The following SPHKAP variants were observed in gnomAD, a reference collection of about 807,000 sequenced individuals.
SPHKAP encodes the protein SPHK1 interactor, AKAP domain containing.
Under a neutral mutation model 137.5 loss-of-function variants are expected in SPHKAP, and 67 were observed. The observed-to-expected ratio is 0.49, with a 90% CI of 0.40 to 0.60. SPHKAP has a LOEUF of 0.60. SPHKAP is among the 20% of genes least tolerant of loss of function. SPHKAP has a pLI of 0.00. For synonymous variants in SPHKAP, 813 were observed against 785.3 expected, an observed-to-expected ratio of 1.04 and a Z score of -0.59; for missense variants, 2,097 against 2,069.3, an observed-to-expected ratio of 1.01 and a Z score of -0.26.
rs370027714 is a variant in SPHKAP, at chr2:228,164,756, G to A, written c.32+16811C>T. Among the ~76,000 whole-genome samples, 87 of 152,162 alleles carry A rather than the reference G, an allele frequency of 5.7e-4. 1 individual carries two copies. In the Middle Eastern group the frequency reaches 0.017, roughly 30 times the overall value. ...GGCACACACCTAGAGCTCTTTAAACGCTCAATTGCTCTCCTGCCTCTGGAC... is the reference window on the plus strand; with the variant it reads ...GGCACACACCTAGAGCTCTTTAAACACTCAATTGCTCTCCTGCCTCTGGAC... On this transcript the variant is annotated intron_variant, in intron 1 of 11. Coordinates refer to ENST00000392056, the MANE Select transcript of SPHKAP (RefSeq NM_001142644.2).
At chr2:227,984,058 T>A (rs1170515029) in intron 11 of SPHKAP, among the ~76,000 whole-genome samples, 1 of 152,058 alleles carries the variant, frequency 6.6e-6, no homozygotes, top group Non-Finnish European at 1.5e-5. Flanking sequence ...CCTGGCACTT[T>A]GGGAGGCTGA....
At chr2:228,160,928 G>A (rs10210772) in intron 1 of SPHKAP, among the ~76,000 whole-genome samples, 2,572 of 152,164 alleles carry the variant, frequency 0.017, 32 homozygotes, top group Non-Finnish European at 0.022. Context: ...TTTGTCTAAC[G>A]AACATTTGTC....
In SPHKAP at chr2:228,081,139, A is replaced by T. The variant is rs551519395; in HGVS notation, c.246+27693T>A. On this transcript the variant is annotated intron_variant, in intron 3 of 11. Transcript: ENST00000392056. Reference sequence around the variant, plus strand: ...AGCCAACAGCTGCAGAGAAAAGGTTATATATCTCCACAGGTAGCTACTCTA... The same window carrying T: ...AGCCAACAGCTGCAGAGAAAAGGTTTTATATCTCCACAGGTAGCTACTCTA... 1.4e-4 allele frequency among the ~76,000 whole-genome samples: 22 copies of T among 152,366 alleles called. No homozygotes were observed. The South Asian group carries it at 4.6e-3, about 32-fold the overall frequency.
At chr2:228,000,021 T>C (rs1223817157) in intron 7 of SPHKAP, among the ~76,000 whole-genome samples, 2 of 152,234 alleles carry the variant, frequency 1.3e-5, no homozygotes, top group African/African-American at 4.8e-5. Flanking sequence ...ATGACTAATA[T>C]CATACAGTAT....
At chr2:228,047,032 A>T (rs542593338) in intron 3 of SPHKAP, among the ~76,000 whole-genome samples, 2 of 152,350 alleles carry the variant, frequency 1.3e-5, no homozygotes, top group South Asian at 4.1e-4. Context: ...AAATTTCAGT[A>T]TCAGTACCTG....
chr2:228,169,194 A>G (rs1400501806), intron 1 of SPHKAP, among the ~76,000 whole-genome samples: 2 of 152,236 alleles, frequency 1.3e-5, no homozygotes, highest in Admixed American at 1.3e-4. Context: ...AAAACTATCC[A>G]GAATATTTAG....
At position 228,032,193 on chromosome 2, in the gene SPHKAP, T is replaced by C. The variant is rs558225927; in HGVS notation, c.247-4650A>G. Among the ~76,000 whole-genome samples, 13 of 152,264 alleles carry C rather than the reference T, an allele frequency of 8.5e-5. No individual in the cohort carries two copies. The South Asian group carries it at 2.3e-3, about 27-fold the overall frequency. On this transcript the variant is annotated intron_variant, in intron 3 of 11. Coordinates refer to ENST00000392056, the MANE Select transcript of SPHKAP (RefSeq NM_001142644.2). Reference sequence around the variant, plus strand: ...AACGCAGAGAAGTCCTTAAAGGAGCTGATGGAGCTGAAAGCCAAGGCTCGA... The same window carrying C: ...AACGCAGAGAAGTCCTTAAAGGAGCCGATGGAGCTGAAAGCCAAGGCTCGA...
chr2:228,070,969 A>G (rs1175500502), intron 3 of SPHKAP, among the ~76,000 whole-genome samples: 2 of 152,206 alleles, frequency 1.3e-5, no homozygotes, highest in Admixed American at 6.5e-5. Flanking sequence ...ATTGTTCAGT[A>G]TCAAAAGAGT....
At chr2:228,158,266 A>T (rs1405339131) in intron 1 of SPHKAP, among the ~76,000 whole-genome samples, 1 of 151,544 alleles carries the variant, frequency 6.6e-6, no homozygotes, top group Non-Finnish European at 1.5e-5. Context: ...AAGACCAGAG[A>T]GGCTGTGTGG....
Position 228,176,582 on chromosome 2 carries a change from T to C in SPHKAP, c.32+4985A>G, listed in dbSNP as rs573924871. ...CAGGACTAAGCACCAGGTCTCCAAA[T>C]ATCAAATACAGGGCTGGGCACGTGG... is the stretch of plus-strand genomic sequence containing the variant. On this transcript the variant is annotated intron_variant, in intron 1 of 11. Transcript: ENST00000392056. Among the ~76,000 whole-genome samples the C allele has an allele frequency of 5.9e-5, 9 of 152,254 alleles. 1 individual carries two copies. Among genetic ancestry groups the C allele is most frequent in the African/African-American group, 1.4e-4 (6 of 41,558 alleles).
intron 7 of SPHKAP, among the ~76,000 whole-genome samples, chr2:228,001,348 C>A (rs868346225): frequency 2.2e-5 from 3 of 138,980 alleles, no homozygotes; most frequent in African/African-American, 8.0e-5. Flanking sequence ...AATATATATA[C>A]ACATATATAA....
intron 3 of SPHKAP, among the ~76,000 whole-genome samples, chr2:228,097,710 C>T (rs1698030225): frequency 6.6e-6 from 1 of 151,292 alleles, no homozygotes; most frequent in African/African-American, 2.4e-5. Flanking sequence ...ACCTTTATGT[C>T]CATGTGTACC....
intron 3 of SPHKAP, among the ~76,000 whole-genome samples, chr2:228,080,586 A>G (rs1008477361): frequency 6.6e-6 from 1 of 152,124 alleles, no homozygotes; most frequent in African/African-American, 2.4e-5. Context: ...GGGCACTTGT[A>G]ATCCCAGCTA....
At chr2:228,172,616 G>T (rs182721190) in intron 1 of SPHKAP, among the ~76,000 whole-genome samples, 2 of 152,282 alleles carry the variant, frequency 1.3e-5, no homozygotes, top group East Asian at 3.9e-4. Flanking sequence ...GCTGGGTCAG[G>T]CAGGATGGGC....
At chr2:228,068,707 G>A (rs1484230459) in intron 3 of SPHKAP, among the ~76,000 whole-genome samples, 3 of 152,134 alleles carry the variant, frequency 2.0e-5, no homozygotes, top group South Asian at 4.1e-4. Context: ...ATGGATTGAA[G>A]ACTTAAATCT....
At chr2:228,142,188 G>A (rs896315256) in intron 1 of SPHKAP, among the ~76,000 whole-genome samples, 2 of 152,304 alleles carry the variant, frequency 1.3e-5, no homozygotes, top group African/African-American at 2.4e-5. Context: ...GAGAAGAAAC[G>A]TAGTTGCATG....
chr2:228,005,133 T>A (rs1694077783), intron 7 of SPHKAP, among the ~76,000 whole-genome samples: 1 of 152,216 alleles, frequency 6.6e-6, no homozygotes, highest in African/African-American at 2.4e-5. Flanking sequence ...CTCGTTGATC[T>A]GTCTAATGTT....
chr2:228,048,526 T>TTTCTA (rs1696146680), intron 3 of SPHKAP, among the ~76,000 whole-genome samples: 1 of 152,172 alleles, frequency 6.6e-6, no homozygotes, highest in African/African-American at 2.4e-5. Flanking sequence ...CATAATGACA[T>TTTCTA]TTCTATCAAT....
At chr2:228,072,088 G>T (rs1697022556) in intron 3 of SPHKAP, among the ~76,000 whole-genome samples, 1 of 152,076 alleles carries the variant, frequency 6.6e-6, no homozygotes, top group Non-Finnish European at 1.5e-5. Flanking sequence ...GTGGAGGAAG[G>T]GTGAATCTGC....
Sources: gnomAD v4.1 joint callset for allele counts (sites outside exome capture counted in the v4.1 genomes callset) on GRCh38, gnomAD v4.1.1 for gene constraint, MANE v1.5 for transcripts, NCBI Gene and HGNC (gene_info 2026-07-23, HGNC 2026-07-21) for gene names.